Variants in TNFRSF8 observed in about 807,000 individuals in gnomAD.
TNFRSF8 encodes the protein TNF receptor superfamily member 8, also known as tumor necrosis factor receptor superfamily member 8.
TNFRSF8 carries 26 observed loss-of-function variants against 70.8 expected under a neutral mutation model. That is an observed-to-expected ratio of 0.37 (90% CI 0.27 to 0.51). The LOEUF is 0.51. Among genes scored for constraint, TNFRSF8 ranks in the 20% least tolerant of loss-of-function variants. The pLI, the probability that TNFRSF8 is intolerant of heterozygous loss-of-function variation, is 0.94. For missense variants in TNFRSF8, 720 were observed against 807.9 expected (o/e 0.89, Z 1.32); for synonymous variants, 356 against 339.2 (o/e 1.05, Z -0.54).
intron 4 of TNFRSF8, among the ~76,000 whole-genome samples, chr1:12,106,449 C>T (rs1380953904): frequency 6.6e-6 from 1 of 152,164 alleles, no homozygotes; most frequent in East Asian, 1.9e-4. Flanking sequence ...ATACATACCT[C>T]TCTCTGTCTC....
intron 9 of TNFRSF8, 137 bp from the exon 10 acceptor site, chr1:12,123,578 G>A (rs899031720): frequency 1.1e-6 from 1 of 932,256 alleles, no homozygotes; most frequent in Non-Finnish European, 1.6e-6. Context: ...CCCTCAAAAT[G>A]CCTGGCAGAG....
chr1:12,100,343 C>T (rs1208310230), intron 3 of TNFRSF8, among the ~76,000 whole-genome samples: 3 of 152,096 alleles, frequency 2.0e-5, no homozygotes, highest in Non-Finnish European at 4.4e-5. Context: ...CAACACTGTA[C>T]ACTTAGGCTA....
chr1:12,109,654 C>T lies in TNFRSF8; in HGVS notation c.510C>T (p.Ser170=), dbSNP rs1019688363. 9 of 1,613,162 alleles carry T rather than the reference C, an allele frequency of 5.6e-6. No individual in the cohort carries two copies. The highest frequency in any genetic ancestry group is 6.8e-6 in the Non-Finnish European group (8 of 1,179,652). The change falls in exon 5 of 15, where the codon TCC becomes TCT. Residue 170 remains serine (S), a splice_region_variant and synonymous_variant. Coordinates refer to ENST00000263932, the MANE Select transcript of TNFRSF8 (RefSeq NM_001243.5). The surrounding 1 kb of genome is among the most constrained non-coding windows in gnomAD (Gnocchi z 4.4). ...CASPENCKEP[S]SGTIPQAKPT... ...GCCCAGAGAACTGCAAGGAACCCTC[C>T]AGGTGACTCCCTGGCTTTGCCTCCT...
intron 1 of TNFRSF8, among the ~76,000 whole-genome samples, chr1:12,073,660 C>T (rs1270570923): frequency 4.0e-5 from 6 of 148,922 alleles, no homozygotes; most frequent in Non-Finnish European, 7.4e-5. Context: ...GTGGTGAGAT[C>T]GTGGCTCAAT....
In TNFRSF8 at chr1:12,063,645, T is replaced by C. The variant is rs1396706296; in HGVS notation, c.47T>C (p.Leu16Pro). The C allele has an allele frequency of 3.1e-6, 4 of 1,283,522 alleles. No individual in the cohort carries two copies. The African/African-American group carries it at 6.2e-5, about 20-fold the overall frequency. 79.5% of individuals were successfully genotyped at this position (1,283,522 alleles called of 1,614,324 possible). A position where few individuals can be genotyped will look rare whatever the true frequency, so the allele number is the denominator to read the frequency against. ...AALGLLFLGA[L>P]RAFPQDRPFE... ...CTGGGACTGCTGTTCCTGGGGGCGC[T>C]ACGAGCCTTCCCACAGGTAAGCGGG... Residue 16 changes from leucine to proline, a missense_variant, in exon 1 of 15, where the codon CTA (leucine) becomes CCA (proline). Physicochemically the swap from Leu to Pro is moderately conservative, Grantham distance 98. Coordinates refer to ENST00000263932, the MANE Select transcript of TNFRSF8 (RefSeq NM_001243.5). This position sits in a 1 kb window ranked among gnomAD's most constrained non-coding sequence, Gnocchi z 7.2.
In TNFRSF8 at chr1:12,141,030, C is replaced by A. The variant is rs538606764; in HGVS notation, c.1544-1257C>A. ...GGGGGCGCCCAGCCCATAGCCTGTC[C>A]CGCACTCTGGGCCTTCTCCTCTTGC... On this transcript the variant is annotated intron_variant, in intron 14 of 14. Transcript: ENST00000263932. This position sits in a 1 kb window ranked among gnomAD's most constrained non-coding sequence, Gnocchi z 5.4. Among the ~76,000 whole-genome samples, 1 of 152,160 alleles carries A rather than the reference C, an allele frequency of 6.6e-6. No homozygotes were observed. Among genetic ancestry groups the A allele is most frequent in the African/African-American group, 2.4e-5 (1 of 41,424 alleles).
At chr1:12,075,606 C>T (rs777895092) in intron 1 of TNFRSF8, among the ~76,000 whole-genome samples, 9 of 152,164 alleles carry the variant, frequency 5.9e-5, no homozygotes, top group Non-Finnish European at 1.2e-4. Context: ...TTCACAACCT[C>T]GATGCCATCT....
intron 1 of TNFRSF8, among the ~76,000 whole-genome samples, chr1:12,082,113 G>T (rs1178376898): frequency 6.6e-6 from 1 of 152,134 alleles, no homozygotes; most frequent in East Asian, 1.9e-4. Context: ...GTGCAATGGC[G>T]TTCCCCTGTC....
chr1:12,092,525 T>C (rs1641263091), intron 2 of TNFRSF8, among the ~76,000 whole-genome samples: 1 of 140,606 alleles, frequency 7.1e-6, no homozygotes, highest in East Asian at 2.0e-4. Flanking sequence ...TTTTTTTTTT[T>C]GAGACAGAGT....
At chr1:12,075,662 C>T (rs565790445) in intron 1 of TNFRSF8, among the ~76,000 whole-genome samples, 24 of 152,332 alleles carry the variant, frequency 1.6e-4, no homozygotes, top group African/African-American at 5.5e-4. Context: ...TATATGAGCA[C>T]ATATGTGAAT....
intron 7 of TNFRSF8, among the ~76,000 whole-genome samples, chr1:12,114,802 A>G (rs1483541978): frequency 1.5e-5 from 2 of 135,180 alleles, no homozygotes. Context: ...TCTGCCTCCC[A>G]GGTTCAAGTG....
chr1:12,086,901 A>G (rs1455520915), intron 2 of TNFRSF8, among the ~76,000 whole-genome samples: 1 of 152,008 alleles, frequency 6.6e-6, no homozygotes. Flanking sequence ...TCCTATCTCC[A>G]AATACAGTCA....
chr1:12,079,718 A>T (rs529604936), intron 1 of TNFRSF8, among the ~76,000 whole-genome samples: 17 of 151,226 alleles, frequency 1.1e-4, no homozygotes, highest in Non-Finnish European at 2.4e-4. Context: ...CAGGCTGGCC[A>T]TCCCACCAGG....
chr1:12,094,058 C>CAAAAAAAAAAAAAAAAAAAAAAAAAAAAA (rs778868213), intron 2 of TNFRSF8, among the ~76,000 whole-genome samples: 1 of 84,678 alleles, frequency 1.2e-5, no homozygotes, highest in Non-Finnish European at 2.2e-5. Flanking sequence ...GACTTTGTCT[C>CAAAAAAAAAAAAAAAAAAAAAAAAAAAAA]AAAAAAAAAA....
intron 12 of TNFRSF8, among the ~76,000 whole-genome samples, chr1:12,134,226 C>T (rs577135928): frequency 4.6e-5 from 7 of 152,152 alleles, no homozygotes; most frequent in Admixed American, 3.3e-4. Context: ...GTGCAGGAGG[C>T]GGCGTGGCTG....
chr1:12,123,393 C>G lies in TNFRSF8; in HGVS notation c.1040+16C>G, dbSNP rs754289273. ...CGCCTGCCAGGTGACTCCCCCACCC[C>G]TTCTCTCTGTTTGGCTGCTGCAGGA... On this transcript the variant is annotated intron_variant, in intron 9 of 14. Coordinates refer to ENST00000263932, the MANE Select transcript of TNFRSF8 (RefSeq NM_001243.5). 8.8e-6 allele frequency: 14 copies of G among 1,594,504 alleles called. No individual in the cohort carries two copies. The East Asian group carries it at 1.8e-4, about 21-fold the overall frequency.
Position 12,138,398 on chromosome 1 carries a change from A to G in TNFRSF8, c.1505A>G (p.Glu502Gly), listed in dbSNP as rs1642191085. 3 of 1,613,372 alleles carry G rather than the reference A, an allele frequency of 1.9e-6. No homozygotes were observed. The highest frequency in any genetic ancestry group is 1.7e-6 in the Non-Finnish European group (2 of 1,179,772). Residue 502 changes from glutamate to glycine, a missense_variant, in exon 14 of 15, where the codon GAG becomes GGG. Physicochemically the swap from Glu to Gly is moderately conservative, Grantham distance 98. Transcript: ENST00000263932. This position sits in a 1 kb window ranked among gnomAD's most constrained non-coding sequence, Gnocchi z 5.7. ...GGPSSPRDLP[E>G]PRVSTEHTNN... The stretch of plus-strand genomic sequence containing the variant: ...CCCTCGTCCCCCAGGGACCTTCCTG[A>G]GCCCCGGGTGTCCACGGAGCACACC...
chr1:12,081,039 G>C lies in TNFRSF8; in HGVS notation c.64-3425G>C, dbSNP rs1021554207. 2.6e-5 allele frequency among the ~76,000 whole-genome samples: 4 copies of C among 152,212 alleles called. No homozygotes were observed. The East Asian group carries it at 7.7e-4, about 29-fold the overall frequency. Reference sequence around the variant, plus strand: ...CATGGGGTAGTGATCTGGCCCCAAAGAGCTAGCAGTGTGTAAAGGAGGAGT... The same window carrying C: ...CATGGGGTAGTGATCTGGCCCCAAACAGCTAGCAGTGTGTAAAGGAGGAGT... On this transcript the variant is annotated intron_variant, in intron 1 of 14. Coordinates refer to ENST00000263932, the MANE Select transcript of TNFRSF8 (RefSeq NM_001243.5).
At chr1:12,085,758 G>A (rs919932356) in intron 2 of TNFRSF8, among the ~76,000 whole-genome samples, 2 of 152,190 alleles carry the variant, frequency 1.3e-5, no homozygotes, top group African/African-American at 4.8e-5. Context: ...TTTTGTAGAT[G>A]ATGCTTAGGC....
Sources: allele counts gnomAD v4.1 joint callset (sites outside exome capture counted in the v4.1 genomes callset), GRCh38; gene constraint gnomAD v4.1.1; non-coding constraint Gnocchi (gnomAD v3.1); transcripts MANE v1.5; gene names NCBI Gene and HGNC (gene_info 2026-07-23, HGNC 2026-07-21).